RASAL2: variants seen among roughly 807,000 people sequenced by gnomAD.
The protein encoded by RASAL2 is RAS protein activator like 2.
Under a neutral mutation model 128.9 loss-of-function variants are expected in RASAL2, and 58 were observed. That is an observed-to-expected ratio of 0.45 (90% CI 0.36 to 0.56). The LOEUF is 0.56. Among genes scored for constraint, RASAL2 ranks in the 20% least tolerant of loss-of-function variants. The pLI is 0.00. For synonymous variants in RASAL2, 561 were observed against 580.8 expected, an observed-to-expected ratio of 0.97 and a Z score of 0.49; for missense variants, 1,360 against 1,601.6, an observed-to-expected ratio of 0.85 and a Z score of 2.57.
intron 2 of RASAL2, among the ~76,000 whole-genome samples, chr1:178,290,738 C>A (rs376001124): frequency 3.3e-5 from 5 of 151,930 alleles, no homozygotes; most frequent in African/African-American, 1.2e-4. Flanking sequence ...TGCGGTGGTG[C>A]GATCTCGGCT....
chr1:178,459,329 T>C (rs571077321), intron 14 of RASAL2, among the ~76,000 whole-genome samples: 1 of 151,950 alleles, frequency 6.6e-6, no homozygotes, highest in Non-Finnish European at 1.5e-5. Context: ...CTGTTAAATA[T>C]ATAATATACA....
intron 1 of RASAL2, among the ~76,000 whole-genome samples, chr1:178,207,128 G>T (rs1015613412): frequency 4.7e-5 from 7 of 148,214 alleles, no homozygotes; most frequent in African/African-American, 1.8e-4. Flanking sequence ...GCTGCAGTGG[G>T]TGACAGAGTG....
chr1:178,411,451 A>G (rs1674379192), intron 4 of RASAL2, among the ~76,000 whole-genome samples: 2 of 152,188 alleles, frequency 1.3e-5, no homozygotes, highest in Admixed American at 1.3e-4. Context: ...GGTACAGTCT[A>G]CACTGCTCAG....
chr1:178,134,010 A>AT lies in RASAL2; in HGVS notation c.202+39322dup, dbSNP rs892853563. Among the ~76,000 whole-genome samples, 165 of 152,276 alleles carry AT rather than the reference A, an allele frequency of 1.1e-3. 1 individual carries two copies. The highest frequency in any genetic ancestry group is 3.7e-3 in the African/African-American group (154 of 41,554). ...AATTTAATAATTGAGAGATACTTAA[A>AT]TTTTTTATCTATTGCTGTATAACAA... On this transcript the variant is annotated intron_variant, in intron 1 of 17. Coordinates refer to ENST00000367649, the MANE Select transcript of RASAL2 (RefSeq NM_170692.4).
intron 5 of RASAL2, among the ~76,000 whole-genome samples, chr1:178,428,043 CTTT>C (rs74263839): frequency 3.5e-5 from 5 of 141,396 alleles, no homozygotes; most frequent in Admixed American, 1.4e-4. Context: ...TTGAGATTGG[CTTT>C]TTTTTTTTTT....
intron 12 of RASAL2, among the ~76,000 whole-genome samples, chr1:178,454,989 T>G (rs971164034): frequency 1.3e-5 from 2 of 152,112 alleles, no homozygotes; most frequent in Non-Finnish European, 2.9e-5. Context: ...AGATGAAACC[T>G]CATATAGTAA....
At chr1:178,358,237 TAAAAAAAAA>T (rs71567191) in intron 3 of RASAL2, among the ~76,000 whole-genome samples, 4,873 of 35,150 alleles carry the variant, frequency 0.14, 401 homozygotes, top group African/African-American at 0.29. Flanking sequence ...CTCTGTCTCC[TAAAAAAAAA>T]AAAAAAAAAA....
At chr1:178,290,507 G>C (rs1319343584) in intron 2 of RASAL2, among the ~76,000 whole-genome samples, 1 of 152,144 alleles carries the variant, frequency 6.6e-6, no homozygotes, top group Non-Finnish European at 1.5e-5. Flanking sequence ...ACACAAAGAT[G>C]CAGTTTTGTT....
At chr1:178,289,202 T>G (rs992572645) in intron 2 of RASAL2, among the ~76,000 whole-genome samples, 55 of 152,188 alleles carry the variant, frequency 3.6e-4, no homozygotes, top group African/African-American at 1.1e-3. Flanking sequence ...CTCATCTTAA[T>G]CTGTTAATGG....
chr1:178,454,898 T>C lies in RASAL2; in HGVS notation c.2211+250T>C, dbSNP rs111783845. On this transcript the variant is annotated intron_variant, in intron 12 of 17. Coordinates refer to ENST00000367649, the MANE Select transcript of RASAL2 (RefSeq NM_170692.4). Reference sequence around the variant, plus strand: ...AATGGAGTATATTTCTCTAAATTTATATATACAGAGTGCATATCTGAAAAC... The same window carrying C: ...AATGGAGTATATTTCTCTAAATTTACATATACAGAGTGCATATCTGAAAAC... Among the ~76,000 whole-genome samples, 393 of 152,284 alleles carry C rather than the reference T, an allele frequency of 2.6e-3. 1 individual carries two copies. The highest frequency in any genetic ancestry group is 9.2e-3 in the African/African-American group (383 of 41,570).
chr1:178,220,588 G>A (rs1663581235), intron 1 of RASAL2, among the ~76,000 whole-genome samples: 1 of 152,152 alleles, frequency 6.6e-6, no homozygotes, highest in African/African-American at 2.4e-5. Flanking sequence ...ACACAGGGTT[G>A]CCACAAACCT....
intron 4 of RASAL2, among the ~76,000 whole-genome samples, chr1:178,418,208 A>G (rs1266350873): frequency 6.6e-6 from 1 of 152,168 alleles, no homozygotes; most frequent in Non-Finnish European, 1.5e-5. Context: ...CTATTAGCCT[A>G]CTGTTGACTG....
chr1:178,439,966 T>TATCCATCC (rs554884956), intron 6 of RASAL2, among the ~76,000 whole-genome samples: 39 of 104,878 alleles, frequency 3.7e-4, no homozygotes, highest in South Asian at 2.7e-3. Flanking sequence ...TTTTCTTATT[T>TATCCATCC]ATCCATCCAT....
At position 178,216,277 on chromosome 1, in the gene RASAL2, A is replaced by G. The variant is rs546176790; in HGVS notation, c.203-67287A>G. ...AATCCACTGTTTGTGAGATTTTAAA[A>G]AAGGCTCGATCTTGTCGTTGATTTA... On this transcript the variant is annotated intron_variant, in intron 1 of 17. Coordinates refer to ENST00000367649, the MANE Select transcript of RASAL2 (RefSeq NM_170692.4). Among the ~76,000 whole-genome samples, 9 of 152,366 alleles carry G rather than the reference A, an allele frequency of 5.9e-5. No individual in the cohort carries two copies. In the South Asian group the frequency reaches 1.2e-3, roughly 21 times the overall value.
chr1:178,352,651 G>A (rs1383568385), intron 3 of RASAL2, among the ~76,000 whole-genome samples: 1 of 152,188 alleles, frequency 6.6e-6, no homozygotes, highest in Non-Finnish European at 1.5e-5. Context: ...ATTTGTGGTG[G>A]CTCCAACCCC....
chr1:178,215,817 G>A (rs754949029), intron 1 of RASAL2, among the ~76,000 whole-genome samples: 18 of 152,110 alleles, frequency 1.2e-4, no homozygotes, highest in Non-Finnish European at 1.5e-4. Flanking sequence ...CAGTGATTAG[G>A]AATAATTAGA....
chr1:178,302,272 A>AT (rs1037218935), intron 3 of RASAL2, among the ~76,000 whole-genome samples: 2 of 151,958 alleles, frequency 1.3e-5, no homozygotes, highest in African/African-American at 4.8e-5. Context: ...CTCTTAGAAC[A>AT]TTTTTTTTAT....
intron 1 of RASAL2, among the ~76,000 whole-genome samples, chr1:178,206,994 G>A (rs1409835121): frequency 6.6e-6 from 1 of 151,908 alleles, no homozygotes; most frequent in East Asian, 1.9e-4. Flanking sequence ...GGACTACATA[G>A]CAAGACCTTG....
intron 3 of RASAL2, chr1:178,389,287 T>A: frequency 3.1e-6 from 3 of 982,152 alleles, no homozygotes; most frequent in Non-Finnish European, 3.6e-6. Flanking sequence ...GAAGTGGCGA[T>A]GGGAAGCAGT....
Sources: allele counts gnomAD v4.1 joint callset (sites outside exome capture counted in the v4.1 genomes callset), GRCh38; gene constraint gnomAD v4.1.1; transcripts MANE v1.5; gene names NCBI Gene and HGNC (gene_info 2026-07-23, HGNC 2026-07-21).